FNDC3B: variants seen among roughly 807,000 people sequenced by gnomAD.
FNDC3B encodes the protein fibronectin type III domain-containing protein 3B.
In FNDC3B, 12 loss-of-function variants were observed where a neutral mutation model predicts 151.5. The observed-to-expected ratio is 0.08, with a 90% CI of 0.05 to 0.13. The LOEUF (loss-of-function observed/expected upper bound fraction) is 0.13. Ranked by LOEUF, FNDC3B falls within the 10% of genes least tolerant of loss-of-function variation. The probability of loss-of-function intolerance (pLI) is 1.00; values close to 1 mark genes in which losing one functional copy is unlikely to be tolerated. For missense variants in FNDC3B, 1,214 were observed against 1,505.3 expected, an observed-to-expected ratio of 0.81 and a Z score of 3.20; for synonymous variants, 528 against 549.0, an observed-to-expected ratio of 0.96 and a Z score of 0.54.
At chr3:172,277,287 A>T (rs1317133945) in intron 6 of FNDC3B, among the ~76,000 whole-genome samples, 1 of 152,202 alleles carries the variant, frequency 6.6e-6, no homozygotes, top group East Asian at 1.9e-4. Context: ...TGGCTTAAGC[A>T]ACAAACATTT....
intron 3 of FNDC3B, among the ~76,000 whole-genome samples, chr3:172,150,126 G>A (rs776539413): frequency 1.3e-5 from 2 of 151,982 alleles, no homozygotes; most frequent in Non-Finnish European, 2.9e-5. Flanking sequence ...CATGTCGGGT[G>A]CTTTCTCTCA....
chr3:172,160,567 C>G (rs1191005319), intron 3 of FNDC3B, among the ~76,000 whole-genome samples: 2 of 152,118 alleles, frequency 1.3e-5, no homozygotes, highest in African/African-American at 4.8e-5. Context: ...TTAGAGTTGC[C>G]CTGGAACAGA....
intron 11 of FNDC3B, among the ~76,000 whole-genome samples, chr3:172,316,616 G>C (rs1479596413): frequency 2.0e-5 from 3 of 152,170 alleles, no homozygotes; most frequent in African/African-American, 7.2e-5. Flanking sequence ...AAGTTGGCTT[G>C]TTTTAAGTTC....
intron 1 of FNDC3B, among the ~76,000 whole-genome samples, chr3:172,102,765 T>A (rs1341911390): frequency 6.6e-6 from 1 of 152,176 alleles, no homozygotes; most frequent in Non-Finnish European, 1.5e-5. Flanking sequence ...TTCCTGTCTC[T>A]TTCCACCTCC....
chr3:172,341,270 C>A, intron 17 of FNDC3B, 39 bp downstream of exon 17: 2 of 1,389,148 alleles, frequency 1.4e-6, no homozygotes, highest in South Asian at 1.2e-5. Context: ...CCTCATTGAT[C>A]AAATTCGGAC....
chr3:172,280,838 A>G (rs573164308), intron 6 of FNDC3B, among the ~76,000 whole-genome samples: 11 of 152,338 alleles, frequency 7.2e-5, no homozygotes, highest in African/African-American at 2.6e-4. Context: ...TTATTTATGG[A>G]AAATTTAAAT....
At chr3:172,333,972 A>G (rs1459270199) in intron 14 of FNDC3B, among the ~76,000 whole-genome samples, 2 of 152,212 alleles carry the variant, frequency 1.3e-5, no homozygotes, top group African/African-American at 4.8e-5. Context: ...TAGCCAAAAA[A>G]GTGAATATGA....
intron 25 of FNDC3B, among the ~76,000 whole-genome samples, chr3:172,388,203 G>A (rs1347709233): frequency 2.6e-5 from 4 of 152,136 alleles, no homozygotes; most frequent in Admixed American, 6.5e-5. Flanking sequence ...TCCAGCAGCC[G>A]AGTATGCACT....
intron 22 of FNDC3B, 104 bp from the exon 23 acceptor site, chr3:172,362,529 G>T (rs1734418688): frequency 5.7e-6 from 5 of 877,310 alleles, no homozygotes; most frequent in African/African-American, 1.7e-5. Flanking sequence ...CTATGTTATT[G>T]CTTTAGGGAC....
intron 3 of FNDC3B, among the ~76,000 whole-genome samples, chr3:172,136,057 G>A (rs764769376): frequency 3.9e-5 from 6 of 152,162 alleles, no homozygotes; most frequent in East Asian, 1.9e-4. Flanking sequence ...GAGGCCTGTC[G>A]AAAAGTCACA....
rs148027663 is a variant in FNDC3B, at chr3:172,215,954, TC to T, written c.188-10916del. 3.4e-4 allele frequency among the ~76,000 whole-genome samples: 50 copies of T among 145,320 alleles called. No homozygotes were observed. The East Asian group carries it at 5.2e-3, about 15-fold the overall frequency. ...TAGAGGATACCACTAGGAGTCATGC[TC>T]ACCTGTTCCTATTCACCTCTCCTGG... On this transcript the variant is annotated intron_variant, in intron 3 of 25. Coordinates refer to ENST00000415807, the MANE Select transcript of FNDC3B (RefSeq NM_022763.4).
intron 1 of FNDC3B, among the ~76,000 whole-genome samples, chr3:172,095,492 C>T (rs768644482): frequency 1.3e-5 from 2 of 152,208 alleles, no homozygotes; most frequent in Admixed American, 6.5e-5. Flanking sequence ...GAGAGATTGT[C>T]GCAGCCAGTG....
intron 1 of FNDC3B, among the ~76,000 whole-genome samples, chr3:172,071,974 T>C (rs1717803092): frequency 6.6e-6 from 1 of 151,826 alleles, no homozygotes; most frequent in African/African-American, 2.4e-5. Context: ...ATTGTAACAG[T>C]TGAGTTCATG....
intron 25 of FNDC3B, among the ~76,000 whole-genome samples, chr3:172,383,695 A>C (rs1405017967): frequency 6.6e-6 from 1 of 152,174 alleles, no homozygotes; most frequent in Non-Finnish European, 1.5e-5. Flanking sequence ...TCACATAATA[A>C]ACCCACATAA....
At chr3:172,154,530 G>A (rs547587254) in intron 3 of FNDC3B, among the ~76,000 whole-genome samples, 39 of 152,246 alleles carry the variant, frequency 2.6e-4, no homozygotes, top group African/African-American at 8.7e-4. Flanking sequence ...AGAAGTGATC[G>A]TAGAACTTTG....
intron 3 of FNDC3B, among the ~76,000 whole-genome samples, chr3:172,160,621 A>AGG (rs1218687667): frequency 6.6e-6 from 1 of 152,236 alleles, no homozygotes; most frequent in Non-Finnish European, 1.5e-5. Context: ...AGTTTGGGCT[A>AGG]GGGGGCCATG....
chr3:172,090,476 G>A lies in FNDC3B; in HGVS notation c.-28-21976G>A, dbSNP rs147031718. Among the ~76,000 whole-genome samples the A allele has an allele frequency of 1.7e-3, 253 of 152,254 alleles. 8 individuals are homozygous for A. The East Asian group carries it at 0.044, about 26-fold the overall frequency. ...AACAGGGAGCTGGAGAAGGACTTGT[G>A]CTTAGGAACACAGAAATAGTTCTTG... On this transcript the variant is annotated intron_variant, in intron 1 of 25. Coordinates refer to ENST00000415807, the MANE Select transcript of FNDC3B (RefSeq NM_022763.4).
At chr3:172,058,417 ACT>A (rs1378440988) in intron 1 of FNDC3B, among the ~76,000 whole-genome samples, 1 of 150,468 alleles carries the variant, frequency 6.6e-6, no homozygotes, top group Non-Finnish European at 1.5e-5. Flanking sequence ...GGTTTCTGCT[ACT>A]GTTATGTCCT....
At chr3:172,392,905 C>T (rs1736089251) in intron 25 of FNDC3B, among the ~76,000 whole-genome samples, 1 of 149,714 alleles carries the variant, frequency 6.7e-6, no homozygotes, top group Non-Finnish European at 1.5e-5. Flanking sequence ...CTCCCATGTC[C>T]AAGCAGTTCT....
Sources: allele counts gnomAD v4.1 joint callset (sites outside exome capture counted in the v4.1 genomes callset), GRCh38; gene constraint gnomAD v4.1.1; transcripts MANE v1.5; gene names NCBI Gene and HGNC (gene_info 2026-07-23, HGNC 2026-07-21).